The following FOXP2 variants were observed in gnomAD, a reference collection of about 807,000 sequenced individuals.
The protein encoded by FOXP2 is forkhead box P2, also known as forkhead box protein P2.
Under a neutral mutation model 115.8 loss-of-function variants are expected in FOXP2, and 12 were observed. That is an observed-to-expected ratio of 0.10 (90% CI 0.07 to 0.17). The LOEUF (loss-of-function observed/expected upper bound fraction) is 0.17. Among genes scored for constraint, FOXP2 ranks in the 10% least tolerant of loss-of-function variants. The pLI is 1.00. For synonymous variants in FOXP2, 328 were observed against 297.7 expected (o/e 1.10, Z -1.05); for missense variants, 629 against 843.5 (o/e 0.75, Z 3.15).
chr7:114,106,647 G>C (rs1791125644), intron 1 of FOXP2, among the ~76,000 whole-genome samples: 1 of 151,964 alleles, frequency 6.6e-6, no homozygotes, highest in Non-Finnish European at 1.5e-5. Context: ...AATGTGTTTA[G>C]ATGTCGGATA....
intron 2 of FOXP2, among the ~76,000 whole-genome samples, chr7:114,534,230 C>G (rs996280008): frequency 6.6e-6 from 1 of 151,820 alleles, no homozygotes; most frequent in Non-Finnish European, 1.5e-5. Context: ...CACTTGAAGT[C>G]TACTGCTTTT....
chr7:114,270,419 C>G lies in FOXP2; in HGVS notation c.-101-17600C>G, dbSNP rs929324263. ...GCCACAGTCTTTCAAAGTGGCCATG[C>G]AATTTTGCATTCCCACCAACAATGA... On this transcript the variant is annotated intron_variant, in intron 1 of 17. Coordinates refer to the FOXP2 transcript ENST00000634411. 4.6e-5 allele frequency among the ~76,000 whole-genome samples: 7 copies of G among 152,246 alleles called. No individual in the cohort carries two copies. The South Asian group carries it at 1.0e-3, about 23-fold the overall frequency.
intron 2 of FOXP2, among the ~76,000 whole-genome samples, chr7:114,330,676 A>G (rs1797685965): frequency 6.6e-6 from 1 of 152,070 alleles, no homozygotes; most frequent in Admixed American, 6.6e-5. Flanking sequence ...ACTTGTAAGA[A>G]GAGGACAAAC....
chr7:114,414,318 GGAGA>G (rs1435040079), upstream of FOXP2: 1 of 152,074 alleles, frequency 6.6e-6, no homozygotes, highest in Non-Finnish European at 1.5e-5. Context: ...TTTTCCTGGG[GGAGA>G]GAAAGTCTTT....
chr7:114,163,811 G>T (rs75739926), intron 1 of FOXP2, among the ~76,000 whole-genome samples: 3,206 of 152,188 alleles, frequency 0.021, 54 homozygotes, highest in African/African-American at 0.052. Context: ...GTTACCTAGG[G>T]CATCATCCTT....
At chr7:114,604,469 G>A (rs745725159) in intron 3 of FOXP2, among the ~76,000 whole-genome samples, 8 of 152,158 alleles carry the variant, frequency 5.3e-5, no homozygotes, top group Non-Finnish European at 8.8e-5. Flanking sequence ...TTTGGATGGA[G>A]GGACAGGTTT....
chr7:114,155,564 C>G (rs1010015891), intron 1 of FOXP2, among the ~76,000 whole-genome samples: 7 of 152,054 alleles, frequency 4.6e-5, no homozygotes, highest in Non-Finnish European at 8.8e-5. Flanking sequence ...TTCCCTGATG[C>G]AGGAGAGAAT....
intron 2 of FOXP2, among the ~76,000 whole-genome samples, chr7:114,476,955 C>A (rs904751741): frequency 5.9e-5 from 9 of 151,920 alleles, no homozygotes; most frequent in African/African-American, 9.7e-5. Flanking sequence ...TAGTGAGATG[C>A]CTTCTTACAC....
intron 2 of FOXP2, among the ~76,000 whole-genome samples, chr7:114,471,844 C>T (rs1489491083): frequency 1.3e-5 from 2 of 151,450 alleles, no homozygotes; most frequent in Non-Finnish European, 2.9e-5. Context: ...CCTGTAATCC[C>T]AGCTACTCCG....
At chr7:114,641,060 A>C (rs1341922277) in intron 6 of FOXP2, among the ~76,000 whole-genome samples, 1 of 152,176 alleles carries the variant, frequency 6.6e-6, no homozygotes, top group African/African-American at 2.4e-5. Context: ...ATAGTATTTT[A>C]ATAGCAAATA....
intron 2 of FOXP2, among the ~76,000 whole-genome samples, chr7:114,298,328 T>G (rs892243055): frequency 3.3e-5 from 5 of 152,184 alleles, no homozygotes; most frequent in African/African-American, 1.2e-4. Flanking sequence ...TCATTCTCCT[T>G]TTCAAAATAC....
At chr7:114,090,282 G>C (rs1326379618) in intron 1 of FOXP2, among the ~76,000 whole-genome samples, 1 of 151,858 alleles carries the variant, frequency 6.6e-6, no homozygotes, top group Non-Finnish European at 1.5e-5. Context: ...TTCAGAAATA[G>C]TGTCAATTTT....
intron 3 of FOXP2, among the ~76,000 whole-genome samples, chr7:114,571,855 C>T (rs1328694838): frequency 6.6e-6 from 1 of 151,626 alleles, no homozygotes; most frequent in Non-Finnish European, 1.5e-5. Flanking sequence ...CCTACACATA[C>T]CGAAGGACTA....
chr7:114,526,857 A>G (rs879587307), intron 2 of FOXP2, among the ~76,000 whole-genome samples: 1 of 152,154 alleles, frequency 6.6e-6, no homozygotes, highest in Non-Finnish European at 1.5e-5. Context: ...AGTTTTTAGC[A>G]TATTCACTAG....
At chr7:114,120,800 A>C (rs1368439076) in intron 1 of FOXP2, among the ~76,000 whole-genome samples, 2 of 152,004 alleles carry the variant, frequency 1.3e-5, no homozygotes, top group Non-Finnish European at 2.9e-5. Context: ...TTTACAAAGG[A>C]AACTGAGTCA....
At chr7:114,314,825 T>C (rs1428348247) in intron 2 of FOXP2, among the ~76,000 whole-genome samples, 1 of 152,206 alleles carries the variant, frequency 6.6e-6, no homozygotes, top group Non-Finnish European at 1.5e-5. Flanking sequence ...TCAACAGCTG[T>C]GTGTTTTGTG....
At chr7:114,161,290 A>C (rs910596948), upstream of FOXP2, among the ~76,000 whole-genome samples, 7 of 152,198 alleles carry the variant, frequency 4.6e-5, no homozygotes, top group Non-Finnish European at 1.5e-5. Flanking sequence ...ATATAGCTTT[A>C]ATCTTCAGTA....
intron 2 of FOXP2, among the ~76,000 whole-genome samples, chr7:114,397,459 G>T (rs573373821): frequency 6.6e-6 from 1 of 152,232 alleles, no homozygotes; most frequent in East Asian, 1.9e-4. Context: ...ATATAAGGGG[G>T]TGATGGAGGA....
At chr7:114,383,131 G>A (rs1792350054) in intron 2 of FOXP2, among the ~76,000 whole-genome samples, 1 of 152,114 alleles carries the variant, frequency 6.6e-6, no homozygotes, top group Non-Finnish European at 1.5e-5. Context: ...CTCTCATTTG[G>A]GGTTAGTGTC....
Sources: allele counts gnomAD v4.1 joint callset (sites outside exome capture counted in the v4.1 genomes callset), GRCh38; gene constraint gnomAD v4.1.1; transcripts MANE v1.5; gene names NCBI Gene and HGNC (gene_info 2026-07-23, HGNC 2026-07-21).